The following FRS2 variants were observed in gnomAD, a reference collection of about 807,000 sequenced individuals.
The protein encoded by FRS2 is FGFR signalling adaptor.
A neutral mutation model predicts 43.9 loss-of-function variants in FRS2; 8 were observed. The ratio of observed to expected loss-of-function variants is 0.18; its 90% CI spans 0.11 to 0.33. FRS2 has a LOEUF of 0.33. Ranked by LOEUF, FRS2 falls within the 10% of genes least tolerant of loss-of-function variation. FRS2 has a pLI of 1.00. For missense variants in FRS2, 534 were observed against 627.6 expected (o/e 0.85, Z 1.59); for synonymous variants, 219 against 220.3 (o/e 0.99, Z 0.05).
chr12:69,498,516 G>GTTTTGTGTGT (rs1873114004), intron 1 of FRS2, among the ~76,000 whole-genome samples: 1 of 57,286 alleles, frequency 1.7e-5, no homozygotes, highest in African/African-American at 1.0e-4. Flanking sequence ...CCATTATGAG[G>GTTTTGTGTGT]GTTTGTGTGT....
At chr12:69,563,087 C>T (rs1879999296) in intron 4 of FRS2, among the ~76,000 whole-genome samples, 1 of 152,176 alleles carries the variant, frequency 6.6e-6, no homozygotes, top group Non-Finnish European at 1.5e-5. Context: ...GAGTTACAAA[C>T]CTGGAGGAGT....
chr12:69,472,320 T>A (rs1373743008), intron 1 of FRS2, among the ~76,000 whole-genome samples: 2 of 150,838 alleles, frequency 1.3e-5, no homozygotes, highest in African/African-American at 4.9e-5. Context: ...CTTGAACTCC[T>A]GGGCTCAAGT....
chr12:69,533,577 G>A (rs575988463), intron 3 of FRS2, among the ~76,000 whole-genome samples: 23 of 152,230 alleles, frequency 1.5e-4, no homozygotes, highest in African/African-American at 4.8e-4. Flanking sequence ...TCGAACTCCC[G>A]ACCTCAGGTG....
chr12:69,537,172 T>G (rs1018157644), intron 3 of FRS2, among the ~76,000 whole-genome samples: 2 of 152,192 alleles, frequency 1.3e-5, no homozygotes, highest in Non-Finnish European at 2.9e-5. Flanking sequence ...CCTGTAACAG[T>G]GTTGTCTGTT....
intron 1 of FRS2, among the ~76,000 whole-genome samples, chr12:69,474,913 G>A (rs221075): frequency 0.79 from 119,719 of 152,178 alleles, 47,922 homozygotes; most frequent in African/African-American, 0.92. Context: ...AATGGCATTT[G>A]ATTACATATT....
At chr12:69,539,367 C>T (rs1275117817) in intron 3 of FRS2, among the ~76,000 whole-genome samples, 1 of 152,162 alleles carries the variant, frequency 6.6e-6, no homozygotes, top group Non-Finnish European at 1.5e-5. Context: ...GAGCACCGTG[C>T]CCAGTTGGAT....
chr12:69,475,205 G>C (rs1870658832), intron 1 of FRS2, among the ~76,000 whole-genome samples: 1 of 152,136 alleles, frequency 6.6e-6, no homozygotes, highest in South Asian at 2.1e-4. Context: ...AACTTTTTGA[G>C]GGCAAGTTTA....
intron 1 of FRS2, among the ~76,000 whole-genome samples, chr12:69,522,190 TTGTG>T (rs201103216): frequency 0.049 from 6,604 of 134,728 alleles, 185 homozygotes; most frequent in African/African-American, 0.077. Context: ...GAAGTTTTCT[TTGTG>T]TGTGTGTGTG....
chr12:69,473,175 C>G (rs1485157330), intron 1 of FRS2, among the ~76,000 whole-genome samples: 2 of 152,222 alleles, frequency 1.3e-5, no homozygotes, highest in African/African-American at 4.8e-5. Context: ...CTTAGCTTCA[C>G]AGCAATATGT....
At chr12:69,495,142 CGTGGGAGCT>C (rs1565724747) in intron 1 of FRS2, among the ~76,000 whole-genome samples, 1 of 152,092 alleles carries the variant, frequency 6.6e-6, no homozygotes, top group East Asian at 1.9e-4. Context: ...TTAAAAGTTT[CGTGGGAGCT>C]GAAGAACAGT....
chr12:69,555,794 G>A (rs148695957), intron 3 of FRS2, among the ~76,000 whole-genome samples: 370 of 152,228 alleles, frequency 2.4e-3, no homozygotes, highest in Non-Finnish European at 4.4e-3. Context: ...TACTTGAATC[G>A]GGTGTGTTAG....
At position 69,570,448 on chromosome 12, in the gene FRS2, C is replaced by T. The variant is rs769740952; in HGVS notation, c.184C>T (p.Leu62=). Residue 62 remains leucine, a synonymous_variant, in exon 6 of 9, where the codon CTG becomes TTG. Coordinates refer to ENST00000549921, the MANE Select transcript of FRS2 (RefSeq NM_001278356.2). ...CTCAGTAAAATGGCACTACCTCTGC[C>T]TGCGACGCTATGGCTATGACTCGAA... ...RDSVKWHYLC[L]RRYGYDSNLF... is the part of the protein sequence containing the mutation. 4.3e-6 allele frequency: 7 copies of T among 1,612,704 alleles called. No individual in the cohort carries two copies. In the Admixed American group the frequency reaches 1.2e-4, roughly 27 times the overall value.
chr12:69,543,883 G>A (rs2135712958), intron 3 of FRS2, among the ~76,000 whole-genome samples: 1 of 152,186 alleles, frequency 6.6e-6, no homozygotes, highest in South Asian at 2.1e-4. Flanking sequence ...AGGAGAGGCA[G>A]AAAATGATAC....
intron 8 of FRS2, among the ~76,000 whole-genome samples, chr12:69,573,292 A>G (rs1020032310): frequency 3.3e-5 from 5 of 152,182 alleles, no homozygotes; most frequent in African/African-American, 1.2e-4. Context: ...ATCATCAGTA[A>G]ATAAGGATAA....
intron 1 of FRS2, among the ~76,000 whole-genome samples, chr12:69,527,481 G>C (rs1876375169): frequency 6.6e-6 from 1 of 150,782 alleles, no homozygotes; most frequent in Admixed American, 6.6e-5. Context: ...ACCATGCCTG[G>C]CTTTAAGCAA....
At chr12:69,527,582 A>T (rs800651) in intron 1 of FRS2, among the ~76,000 whole-genome samples, 57,273 of 151,722 alleles carry the variant, frequency 0.38, 11,270 homozygotes, top group South Asian at 0.58. Context: ...TTTACTGCAG[A>T]TTATAATAGT....
chr12:69,515,590 C>CACAT (rs971689162), intron 1 of FRS2, among the ~76,000 whole-genome samples: 1 of 152,032 alleles, frequency 6.6e-6, no homozygotes, highest in Non-Finnish European at 1.5e-5. Context: ...CTCTCTCACA[C>CACAT]ACATACACAT....
chr12:69,522,014 T>C lies in FRS2; in HGVS notation c.-260-8851T>C, dbSNP rs12829055. 4.6e-3 allele frequency among the ~76,000 whole-genome samples: 699 copies of C among 152,368 alleles called. 3 individuals are homozygous for C. The highest frequency in any genetic ancestry group is 6.8e-3 in the Middle Eastern group (2 of 294). ...TGGTTTCTATCTTTAGTTCTGTTTA[T>C]GTGATGAATCACATTTATTAATTTA... On this transcript the variant is annotated intron_variant, in intron 1 of 8. Coordinates refer to ENST00000549921, the MANE Select transcript of FRS2 (RefSeq NM_001278356.2).
chr12:69,481,605 TA>T (rs1430429323), intron 1 of FRS2, among the ~76,000 whole-genome samples: 2 of 152,188 alleles, frequency 1.3e-5, no homozygotes, highest in African/African-American at 4.8e-5. Context: ...TTAACGTTGA[TA>T]CGGTACTTTA....
Sources: gnomAD v4.1 joint callset for allele counts (sites outside exome capture counted in the v4.1 genomes callset) on GRCh38, gnomAD v4.1.1 for gene constraint, MANE v1.5 for transcripts, NCBI Gene and HGNC (gene_info 2026-07-23, HGNC 2026-07-21) for gene names.